Variants in GPM6A observed in about 807,000 individuals in gnomAD.
The protein encoded by GPM6A is glycoprotein M6A.
GPM6A carries 7 observed loss-of-function variants against 32.1 expected under a neutral mutation model. The observed-to-expected ratio is 0.22, with a 90% CI of 0.12 to 0.41. GPM6A has a LOEUF of 0.41. GPM6A is among the 10% of genes least tolerant of loss of function. The probability of loss-of-function intolerance (pLI) is 1.00; values close to 1 mark genes in which losing one functional copy is unlikely to be tolerated. For missense variants in GPM6A, 235 were observed against 347.2 expected (o/e 0.68, Z 2.57); for synonymous variants, 130 against 123.4 (o/e 1.05, Z -0.35).
Position 175,640,133 on chromosome 4 carries a change from G to A in GPM6A, c.680C>T (p.Ala227Val). The A allele has an allele frequency of 6.2e-7, 1 of 1,612,054 alleles. No homozygotes were observed. Among genetic ancestry groups the A allele is most frequent in the Non-Finnish European group, 8.5e-7 (1 of 1,178,248 alleles). Residue 227 changes from alanine (A) to valine (V), a missense_variant, in exon 6 of 7, where the codon GCT (alanine) becomes GTT (valine). This residue lies in a region of GPM6A where 107 missense variants were observed against 116.7 expected (regional missense o/e 0.92). Coordinates refer to ENST00000393658, the MANE Select transcript of GPM6A (RefSeq NM_201591.3). ...ALAGAGAAVI[A>V]MVHYLMVLSA... ...ACCAGCGCTTTGAGGTCTTACCATA[G>A]CAATGACTGCTGCCCCAGCTCCAGC...
chr4:175,891,651 A>T (rs1356608499), intron 1 of GPM6A: 1 of 152,234 alleles, frequency 6.6e-6, no homozygotes, highest in African/African-American at 2.4e-5. Context: ...TACAGAAAAA[A>T]GTCATTCTAA....
At chr4:175,657,950 T>C (rs2110936304) in intron 3 of GPM6A, among the ~76,000 whole-genome samples, 1 of 152,268 alleles carries the variant, frequency 6.6e-6, no homozygotes, top group Non-Finnish European at 1.5e-5. Context: ...TCAAGTAGGC[T>C]CTGGAAATTA....
rs758575502 is a variant in GPM6A, at chr4:175,673,794, C to T, written c.273G>A (p.Ala91=). The T allele has an allele frequency of 9.9e-6, 16 of 1,611,090 alleles. No individual in the cohort carries two copies. The highest frequency in any genetic ancestry group is 2.2e-5 in the South Asian group (2 of 90,828). ...FKYVIYGIAA[A]FFVYGILLMV... ...TCAGCAAAATGCCATACACAAAGAA[C>T]GCAGCTGCGATGCCGTAGATCACAT... Residue 91 remains alanine, a synonymous_variant, in exon 3 of 7, where the codon GCG becomes GCA. Transcript: ENST00000393658.
At chr4:175,754,924 T>A (rs997015559) in intron 1 of GPM6A, among the ~76,000 whole-genome samples, 20 of 152,062 alleles carry the variant, frequency 1.3e-4, no homozygotes, top group African/African-American at 4.8e-4. Context: ...TCTCAATTTC[T>A]GTGTCCTTTC....
intron 4 of GPM6A, among the ~76,000 whole-genome samples, chr4:175,647,815 T>A (rs140918907): frequency 6.6e-6 from 1 of 152,294 alleles, no homozygotes; most frequent in African/African-American, 2.4e-5. Context: ...TTGATAATAA[T>A]GTGGTTATAT....
intron 1 of GPM6A, among the ~76,000 whole-genome samples, chr4:175,822,627 ATAAT>A (rs1735310913): frequency 6.6e-6 from 1 of 150,656 alleles, no homozygotes; most frequent in Non-Finnish European, 1.5e-5. Flanking sequence ...GGTATTTGAG[ATAAT>A]TTATTTAATT....
intron 1 of GPM6A, among the ~76,000 whole-genome samples, chr4:175,707,175 C>T (rs1745240479): frequency 6.6e-6 from 1 of 152,234 alleles, no homozygotes; most frequent in Admixed American, 6.5e-5. Flanking sequence ...AATAGCCATT[C>T]TTTATCCCTT....
chr4:175,811,527 A>C, intron 1 of GPM6A, among the ~76,000 whole-genome samples: 1 of 152,172 alleles, frequency 6.6e-6, no homozygotes, highest in East Asian at 1.9e-4. Context: ...ATACAGCCAG[A>C]TATACCTAGA....
chr4:175,838,962 C>G (rs757583929), intron 1 of GPM6A, among the ~76,000 whole-genome samples: 3 of 152,050 alleles, frequency 2.0e-5, no homozygotes, highest in Non-Finnish European at 4.4e-5. Flanking sequence ...CCATGCCCAA[C>G]TGAAAATTTT....
chr4:175,834,887 A>G (rs569797189), intron 1 of GPM6A, among the ~76,000 whole-genome samples: 2 of 152,320 alleles, frequency 1.3e-5, no homozygotes, highest in Middle Eastern at 3.4e-3. Context: ...ATTTCTTTTC[A>G]TCCCTGGTAT....
At chr4:175,719,965 T>C (rs554812320) in intron 1 of GPM6A, among the ~76,000 whole-genome samples, 108 of 152,330 alleles carry the variant, frequency 7.1e-4, no homozygotes, top group Middle Eastern at 3.4e-3. Flanking sequence ...GTCGATTTTA[T>C]TTGAACCAAG....
intron 1 of GPM6A, among the ~76,000 whole-genome samples, chr4:175,891,965 C>T (rs1445501672): frequency 1.3e-5 from 2 of 152,198 alleles, no homozygotes; most frequent in African/African-American, 4.8e-5. Context: ...GTACAGCAAA[C>T]TTCAATGTGG....
intron 1 of GPM6A, among the ~76,000 whole-genome samples, chr4:175,835,858 T>C (rs895668025): frequency 2.0e-5 from 3 of 150,608 alleles, no homozygotes; most frequent in African/African-American, 7.3e-5. Flanking sequence ...TTTATATGCA[T>C]GTGCTTGAAA....
chr4:175,927,070 T>C (rs1207977894), intron 1 of GPM6A, among the ~76,000 whole-genome samples: 1 of 152,244 alleles, frequency 6.6e-6, no homozygotes. Context: ...CACATAAATG[T>C]GTATAATTTA....
At chr4:175,730,540 G>A (rs62336025) in intron 1 of GPM6A, among the ~76,000 whole-genome samples, 25,498 of 148,276 alleles carry the variant, frequency 0.17, 2,716 homozygotes, top group Non-Finnish European at 0.25. Context: ...GCGCGATCTC[G>A]GCTCACTGCA....
rs145201570 is a variant in GPM6A at position 175,775,795 on chromosome 4, T to C, written c.37+36396A>G. Among the ~76,000 whole-genome samples, 26 of 152,230 alleles carry C rather than the reference T, an allele frequency of 1.7e-4. No individual in the cohort carries two copies. In the East Asian group the frequency reaches 5.0e-3, roughly 29 times the overall value. On this transcript the variant is annotated intron_variant, in intron 1 of 6. Coordinates refer to ENST00000393658, the MANE Select transcript of GPM6A (RefSeq NM_201591.3). ...AGTCTACTCTTTTCAGATAAGCCAATTAAATGTTTATTACAGCAGAGCCAT... is the reference window on the plus strand; with the variant it reads ...AGTCTACTCTTTTCAGATAAGCCAACTAAATGTTTATTACAGCAGAGCCAT...
chr4:175,822,651 C>T (rs368545766), intron 1 of GPM6A, among the ~76,000 whole-genome samples: 2 of 148,110 alleles, frequency 1.4e-5, no homozygotes, highest in African/African-American at 2.5e-5. Context: ...TCTTTTCATG[C>T]TTTTTTTTTT....
At chr4:175,797,008 A>C (rs115608958) in intron 1 of GPM6A, among the ~76,000 whole-genome samples, 37 of 152,124 alleles carry the variant, frequency 2.4e-4, no homozygotes, top group Middle Eastern at 3.4e-3. Flanking sequence ...TAAGTACTCA[A>C]TTCTCTCAGA....
At chr4:175,714,785 A>C (rs1396743050) in intron 1 of GPM6A, among the ~76,000 whole-genome samples, 2 of 152,086 alleles carry the variant, frequency 1.3e-5, no homozygotes. Context: ...TTTTTAAGAA[A>C]TATATTACTA....
Sources: allele counts gnomAD v4.1 joint callset (sites outside exome capture counted in the v4.1 genomes callset), GRCh38; gene constraint gnomAD v4.1.1; regional missense constraint gnomAD v4.1.1; transcripts MANE v1.5; gene names NCBI Gene and HGNC (gene_info 2026-07-23, HGNC 2026-07-21).